Variants in ACAT1 observed in about 807,000 individuals in gnomAD.
ACAT1 encodes acetyl-CoA acetyltransferase, mitochondrial.
A neutral mutation model predicts 47.3 loss-of-function variants in ACAT1; 28 were observed. The ratio of observed to expected loss-of-function variants is 0.59; its 90% CI spans 0.44 to 0.81. The LOEUF is 0.81. ACAT1 is among the 30% of genes least tolerant of loss of function. The probability of loss-of-function intolerance (pLI) is 0.00; values close to 1 mark genes in which losing one functional copy is unlikely to be tolerated. For synonymous variants in ACAT1, 181 were observed against 173.6 expected (o/e 1.04, Z -0.34); for missense variants, 469 against 524.3 (o/e 0.89, Z 1.03).
intron 1 of ACAT1, among the ~76,000 whole-genome samples, chr11:108,126,940 G>T (rs887753087): frequency 3.3e-5 from 5 of 151,716 alleles, no homozygotes; most frequent in Admixed American, 2.0e-4. Flanking sequence ...TTACAGGCGC[G>T]TGCCACCATG....
intron 9 of ACAT1, chr11:108,143,593 T>C (rs2077635532): frequency 6.5e-6 from 1 of 154,680 alleles, no homozygotes. Flanking sequence ...TTTCTTAGCT[T>C]AGATCATGGT....
chr11:108,141,826 A>G (rs1238415999), intron 8 of ACAT1, 126 bp downstream of exon 8: 2 of 693,446 alleles, frequency 2.9e-6, no homozygotes, highest in South Asian at 1.6e-5. Flanking sequence ...TTTTCAGTAT[A>G]TCAGGCTCAT....
At chr11:108,118,906 G>A (rs530898221), upstream of ACAT1, among the ~76,000 whole-genome samples, 147 of 152,296 alleles carry the variant, frequency 9.7e-4, no homozygotes, top group Non-Finnish European at 1.7e-3. Flanking sequence ...TCTGATGGCA[G>A]AATTGTCCAA....
At chr11:108,144,897 C>A (rs549867327) in intron 10 of ACAT1, among the ~76,000 whole-genome samples, 2 of 152,278 alleles carry the variant, frequency 1.3e-5, no homozygotes, top group South Asian at 2.1e-4. Context: ...GGTAGAATAA[C>A]TTCTGAGAGC....
At position 108,147,285 on chromosome 11, in the gene ACAT1, G is replaced by C. The variant is rs1377144871; in HGVS notation, c.1179G>C (p.Arg393Ser). The change falls in exon 12 of 12, where the codon AGG (arginine) becomes AGC (serine). Residue 393 changes from arginine to serine, a missense_variant. Physicochemically the swap from Arg to Ser is moderately radical, Grantham distance 110. Coordinates refer to ENST00000265838, the MANE Select transcript of ACAT1 (RefSeq NM_000019.4). ...LGHPIGMSGA[R>S]IVGHLTHALK... ...TTAATTTTAGGATGTCTGGAGCCAG[G>C]ATTGTTGGTCATTTGACTCATGCCT... 6.2e-7 allele frequency: 1 copy of C among 1,613,826 alleles called. No homozygotes were observed. The highest frequency in any genetic ancestry group is 8.5e-7 in the Non-Finnish European group (1 of 1,179,906).
chr11:108,135,286 T>A, intron 5 of ACAT1, 44 bp downstream of exon 5: 1 of 1,430,608 alleles, frequency 7.0e-7, no homozygotes, highest in Non-Finnish European at 9.9e-7. Context: ...GAGTAATACC[T>A]AGGGCTAAAA....
At chr11:108,138,400 T>C (rs2077510686) in intron 5 of ACAT1, among the ~76,000 whole-genome samples, 1 of 142,428 alleles carries the variant, frequency 7.0e-6, no homozygotes. Context: ...CCGCCTCTAC[T>C]TTTTTTTTTT....
At chr11:108,135,819 C>G (rs1011309946) in intron 5 of ACAT1, among the ~76,000 whole-genome samples, 11 of 150,752 alleles carry the variant, frequency 7.3e-5, no homozygotes, top group Admixed American at 3.3e-4. Flanking sequence ...TAGAGCAAGA[C>G]TCTCAAAAAA....
intron 9 of ACAT1, 47 bp from the exon 10 acceptor site, chr11:108,143,936 A>G (rs756129020): frequency 1.8e-5 from 13 of 705,648 alleles, no homozygotes; most frequent in Non-Finnish European, 2.6e-5. Context: ...TCTATACAGT[A>G]AAAAAAAAAA....
chr11:108,136,860 T>C (rs997001296), intron 5 of ACAT1: 51 of 152,382 alleles, frequency 3.3e-4, no homozygotes, highest in African/African-American at 1.1e-3. Flanking sequence ...CTTGTCTGTA[T>C]GCCTGATTAA....
chr11:108,129,519 C>T (rs2077316832), intron 1 of ACAT1, among the ~76,000 whole-genome samples: 1 of 152,082 alleles, frequency 6.6e-6, no homozygotes, highest in African/African-American at 2.4e-5. Flanking sequence ...CAGACGTGTG[C>T]CACCACGTCC....
chr11:108,146,487 C>G (rs144444412), intron 11 of ACAT1, 128 bp downstream of exon 11: 1 of 997,470 alleles, frequency 1.0e-6, no homozygotes, highest in Non-Finnish European at 1.5e-6. Flanking sequence ...AAGGCAAAAA[C>G]CATTTCTGAT....
At chr11:108,119,428 C>G (rs1295496319), upstream of ACAT1, among the ~76,000 whole-genome samples, 1 of 152,052 alleles carries the variant, frequency 6.6e-6, no homozygotes, top group Non-Finnish European at 1.5e-5. Flanking sequence ...GCTTTTAACT[C>G]CTGACTTCAA....
upstream of ACAT1, among the ~76,000 whole-genome samples, chr11:108,118,586 G>A (rs1307935697): frequency 1.3e-5 from 2 of 152,114 alleles, no homozygotes; most frequent in African/African-American, 4.8e-5. Flanking sequence ...GTGTTAGGAT[G>A]GTCTCGATCT....
intron 5 of ACAT1, chr11:108,136,293 T>C (rs1169204414): frequency 7.3e-6 from 3 of 408,778 alleles, no homozygotes; most frequent in Admixed American, 4.3e-5. Context: ...AAAAAATCTG[T>C]ACATGTGCAG....
At chr11:108,141,842 A>ATTGTT in intron 8 of ACAT1, 142 bp downstream of exon 8, 1 of 666,110 alleles carries the variant, frequency 1.5e-6, no homozygotes, top group Non-Finnish European at 2.6e-6. Flanking sequence ...CTCATGTAAA[A>ATTGTT]TTGTTTTGGT....
chr11:108,130,783 C>G (rs750469682), intron 1 of ACAT1, among the ~76,000 whole-genome samples: 4 of 144,962 alleles, frequency 2.8e-5, no homozygotes, highest in South Asian at 4.4e-4. Flanking sequence ...GAGTTTCACT[C>G]TTGTCTCCCA....
At chr11:108,125,823 G>A (rs1446118393) in intron 1 of ACAT1, among the ~76,000 whole-genome samples, 1 of 151,812 alleles carries the variant, frequency 6.6e-6, no homozygotes, top group Non-Finnish European at 1.5e-5. Flanking sequence ...CTACCTGGAA[G>A]GCTGAGGCAG....
Position 108,147,491 on chromosome 11 carries a change from A to G in ACAT1, c.*101A>G. 7.2e-7 allele frequency: 1 copy of G among 1,395,788 alleles called. No individual in the cohort carries two copies. Among genetic ancestry groups the G allele is most frequent in the Non-Finnish European group, 9.9e-7 (1 of 1,009,194 alleles). The allele number at this position is 1,395,788 out of a possible 1,614,324, so 86.5% of individuals were successfully genotyped here. ...AGCTTATATTCAGATAAGCTGTTTC[A>G]TTTTTTATTATTTTCTATGTTAACT... On this transcript the variant is annotated 3_prime_UTR_variant, in exon 12 of 12. Coordinates refer to ENST00000265838, the MANE Select transcript of ACAT1 (RefSeq NM_000019.4).
Sources: gnomAD v4.1 joint callset for allele counts (sites outside exome capture counted in the v4.1 genomes callset) on GRCh38, gnomAD v4.1.1 for gene constraint, MANE v1.5 for transcripts, NCBI Gene and HGNC (gene_info 2026-07-23, HGNC 2026-07-21) for gene names.